SNAPC4: variants seen among roughly 807,000 people sequenced by gnomAD.
The protein encoded by SNAPC4 is small nuclear RNA activating complex polypeptide 4.
In SNAPC4, 127 loss-of-function variants were observed where a neutral mutation model predicts 151.3. The observed-to-expected ratio is 0.84, with a 90% CI of 0.73 to 0.97. The LOEUF (loss-of-function observed/expected upper bound fraction) is 0.97. Among genes scored for constraint, SNAPC4 ranks in the 50% least tolerant of loss-of-function variants. The pLI, the probability that SNAPC4 is intolerant of heterozygous loss-of-function variation, is 0.00. For synonymous variants in SNAPC4, 1,002 were observed against 824.4 expected, an observed-to-expected ratio of 1.22 and a Z score of -3.69; for missense variants, 2,186 against 1,935.0, an observed-to-expected ratio of 1.13 and a Z score of -2.43.
chr9:136,388,529 G>A lies in SNAPC4; in HGVS notation c.1038C>T (p.Arg346=), dbSNP rs1388017456. 6.2e-7 allele frequency: 1 copy of A among 1,614,098 alleles called. No homozygotes were observed. The highest frequency in any genetic ancestry group is 1.1e-5 in the South Asian group (1 of 91,090). Residue 346 remains arginine (R), a synonymous_variant, in exon 11 of 24, where the codon CGC becomes CGT. Transcript: ENST00000684778. Reference sequence around the variant, plus strand: ...GGTCCTCCTCCTCTGTCCACTCCTTGCGTTTCAGAGCTTTGTTGTGCTGCT... The same window carrying A: ...GGTCCTCCTCCTCTGTCCACTCCTTACGTTTCAGAGCTTTGTTGTGCTGCT... ...KFQQHNKALK[R]KEWTEEEDRM... is the part of the protein sequence containing the mutation.
At chr9:136,380,320 G>A in intron 20 of SNAPC4, among the ~76,000 whole-genome samples, 1 of 152,192 alleles carries the variant, frequency 6.6e-6, no homozygotes, top group Admixed American at 6.5e-5. Context: ...TGGAAGCACA[G>A]AGGCCCAGGG....
At chr9:136,389,166 A>C (rs1588757190) in intron 10 of SNAPC4, among the ~76,000 whole-genome samples, 2 of 152,186 alleles carry the variant, frequency 1.3e-5, no homozygotes, top group African/African-American at 4.8e-5. Context: ...CAGTCCACAC[A>C]GTGGACCATC....
intron 19 of SNAPC4, 34 bp downstream of exon 19, chr9:136,381,288 C>T: frequency 1.9e-6 from 3 of 1,575,090 alleles, no homozygotes; most frequent in Middle Eastern, 1.7e-4. Context: ...TTTTACAAGG[C>T]AAAGGAAAAC....
At chr9:136,392,854 G>A (rs761665684) in intron 7 of SNAPC4, 77 bp from the exon 8 acceptor site, 49 of 1,173,156 alleles carry the variant, frequency 4.2e-5, no homozygotes, top group Non-Finnish European at 5.9e-5. Flanking sequence ...ACATTACAGG[G>A]CAAGGAGTGT....
Position 136,378,957 on chromosome 9 carries a change from G to C in SNAPC4, c.2870C>G (p.Ala957Gly), listed in dbSNP as rs1447578214. 6.2e-7 allele frequency: 1 copy of C among 1,608,962 alleles called. No homozygotes were observed. The highest frequency in any genetic ancestry group is 8.5e-7 in the Non-Finnish European group (1 of 1,178,684). ...VLNVPLSGPG[A>G]PAAAKPGTSG... Reference sequence around the variant, plus strand: ...AGTGCCAGGTTTGGCTGCCGCGGGGGCCCCAGGCCCAGAGAGCGGTACATT... The same window carrying C: ...AGTGCCAGGTTTGGCTGCCGCGGGGCCCCCAGGCCCAGAGAGCGGTACATT... Residue 957 changes from alanine to glycine, a missense_variant, in exon 22 of 24, where the codon GCC becomes GGC. By Grantham distance (60) the Ala-to-Gly change is moderately conservative (BLOSUM62 0). Coordinates refer to ENST00000684778, the MANE Select transcript of SNAPC4 (RefSeq NM_003086.4).
intron 3 of SNAPC4, 121 bp downstream of exon 3, chr9:136,396,856 T>C: frequency 1.3e-6 from 1 of 781,738 alleles, no homozygotes; most frequent in South Asian, 1.4e-5. Flanking sequence ...ATAACAAACG[T>C]GAATCATTTT....
Position 136,387,708 on chromosome 9 carries a change from AGAGCCCAGTTCTCCTAGG to A in SNAPC4, c.1230+16_1230+33del. ...CTGAACACAGCCGCGTTACCTTCCC[AGAGCCCAGTTCTCCTAGG>A]GTCCCGCACACTTACAGCATCTTCC... On this transcript the variant is annotated intron_variant, in intron 12 of 23. Coordinates refer to ENST00000684778, the MANE Select transcript of SNAPC4 (RefSeq NM_003086.4). 1 of 1,462,252 alleles carries A rather than the reference AGAGCCCAGTTCTCCTAGG, an allele frequency of 6.8e-7. No homozygotes were observed. The highest frequency in any genetic ancestry group is 9.6e-7 in the Non-Finnish European group (1 of 1,041,410). The allele number at this position is 1,462,252 out of a possible 1,614,324, so 90.6% of individuals were successfully genotyped here. A position where few individuals can be genotyped will look rare whatever the true frequency, so the allele number is the denominator to read the frequency against.
rs759396712 is a variant in SNAPC4, at chr9:136,378,739, C to T, written c.3088G>A (p.Ala1030Thr). The change falls in exon 22 of 24, where the codon GCT (alanine) becomes ACT (threonine). Residue 1030 changes from alanine (A) to threonine (T), a missense_variant. Ala to Thr is a moderately conservative substitution (Grantham distance 58, BLOSUM62 0). Coordinates refer to ENST00000684778, the MANE Select transcript of SNAPC4 (RefSeq NM_003086.4). The stretch of plus-strand genomic sequence containing the variant: ...GGCAGGCCCTGCTTCCGGGATGCAG[C>T]GGGGGCCTGAGACTGTCCGAGACCA... ...ESGLGQSQAP[A>T]ASRKQGLPEA... 22 of 1,515,300 alleles carry T rather than the reference C, an allele frequency of 1.5e-5. No homozygotes were observed. Among genetic ancestry groups the T allele is most frequent in the Admixed American group, 2.2e-5 (1 of 46,416 alleles). The allele number at this position is 1,515,300 out of a possible 1,614,324, so 93.9% of individuals were successfully genotyped here. A position where few individuals can be genotyped will look rare whatever the true frequency, so the allele number is the denominator to read the frequency against.
intron 7 of SNAPC4, 30 bp downstream of exon 7, chr9:136,394,219 A>G (rs1246090567): frequency 1.3e-6 from 2 of 1,569,916 alleles, no homozygotes; most frequent in African/African-American, 2.7e-5. Context: ...CAGCCTGAAG[A>G]CCGTTTTTGA....
At position 136,395,309 on chromosome 9, in the gene SNAPC4, C is replaced by A. The variant is rs1232016307; in HGVS notation, c.460G>T (p.Val154Phe). The change falls in exon 5 of 24, where the codon GTC (valine) becomes TTC (phenylalanine). Residue 154 changes from valine to phenylalanine, a missense_variant. Physicochemically the swap from Val to Phe is conservative, Grantham distance 50 (BLOSUM62 -1). Transcript: ENST00000684778. ...HFMKPYFKDK[V>F]TGVGPPANED... Reference sequence around the variant, plus strand: ...CCTCGGCCACTCACCACGCCCGTGACCTTGTCCTTGAAATACGGCTTCATG... The same window carrying A: ...CCTCGGCCACTCACCACGCCCGTGAACTTGTCCTTGAAATACGGCTTCATG... 1 of 1,613,342 alleles carries A rather than the reference C, an allele frequency of 6.2e-7. No homozygotes were observed. Among genetic ancestry groups the A allele is most frequent in the Admixed American group, 1.7e-5 (1 of 59,984 alleles).
chr9:136,387,322 C>T (rs905268785), intron 13 of SNAPC4, among the ~76,000 whole-genome samples, 163 bp downstream of exon 13: 2 of 152,202 alleles, frequency 1.3e-5, no homozygotes, highest in East Asian at 3.9e-4. Context: ...GGCAAGCAAG[C>T]GCCCACAGCC....
At chr9:136,394,763 A>G (rs1373015713) in intron 6 of SNAPC4, 37 bp downstream of exon 6, 1 of 1,593,884 alleles carries the variant, frequency 6.3e-7, no homozygotes, top group Non-Finnish European at 8.6e-7. Context: ...AGGTGTCCCA[A>G]GCTCAGGGGT....
intron 2 of SNAPC4, 87 bp from the exon 3 acceptor site, chr9:136,397,110 C>G: frequency 8.3e-7 from 1 of 1,205,292 alleles, no homozygotes; most frequent in South Asian, 1.2e-5. Flanking sequence ...TTGGGCAGAC[C>G]TGGGGTTGTG....
At chr9:136,395,168 T>G in intron 5 of SNAPC4, 130 bp downstream of exon 5, 1 of 1,201,520 alleles carries the variant, frequency 8.3e-7, no homozygotes, top group South Asian at 1.5e-5. Context: ...GAGGAGGCAG[T>G]TTGAAGGAGG....
At chr9:136,376,976 G>C (rs1427811137) in intron 22 of SNAPC4, among the ~76,000 whole-genome samples, 1 of 152,224 alleles carries the variant, frequency 6.6e-6, no homozygotes, top group Admixed American at 6.5e-5. Context: ...CCCAGCTGCT[G>C]CAAGTGGGCA....
chr9:136,377,118 G>T (rs184573759), intron 22 of SNAPC4, among the ~76,000 whole-genome samples: 1 of 151,774 alleles, frequency 6.6e-6, no homozygotes, highest in African/African-American at 2.4e-5. Flanking sequence ...CAGCAGAGAG[G>T]GACCTTTGGG....
chr9:136,392,124 C>T lies in SNAPC4; in HGVS notation c.811-18G>A. ...CCTTCAAACTGCACCGACAGAGACA[C>T]TCAGCCTTGCAGGCCACTGACCCCA... On this transcript the variant is annotated intron_variant, in intron 9 of 23. Coordinates refer to ENST00000684778, the MANE Select transcript of SNAPC4 (RefSeq NM_003086.4). 5.6e-6 allele frequency: 9 copies of T among 1,610,586 alleles called. No homozygotes were observed. The highest frequency in any genetic ancestry group is 1.6e-4 in the Middle Eastern group (1 of 6,062).
At chr9:136,379,885 A>T (rs1214294673) in intron 20 of SNAPC4, 21 bp from the exon 21 acceptor site, 1 of 1,610,680 alleles carries the variant, frequency 6.2e-7, no homozygotes, top group Non-Finnish European at 8.5e-7. Context: ...AAGAGAGGAG[A>T]GTCAGCAGCT....
rs1194239835 is a variant in SNAPC4, at chr9:136,379,836, C to T, written c.2527+1G>A. 3.7e-6 allele frequency: 6 copies of T among 1,613,244 alleles called. No homozygotes were observed. Among genetic ancestry groups the T allele is most frequent in the South Asian group, 1.1e-5 (1 of 90,928 alleles). On this transcript the variant is annotated splice_donor_variant, in intron 21 of 23. Transcript: ENST00000684778. LOFTEE classifies it high-confidence loss of function. ...CCACCAGGGCAGAGAAGCAGAGTTA[C>T]CTGGGGTGCTCTGGGCACTTGAGGA... is the stretch of plus-strand genomic sequence containing the variant.
Sources: gnomAD v4.1 joint callset for allele counts (sites outside exome capture counted in the v4.1 genomes callset) on GRCh38, gnomAD v4.1.1 for gene constraint, MANE v1.5 for transcripts, NCBI Gene and HGNC (gene_info 2026-07-23, HGNC 2026-07-21) for gene names.